The following IL12RB1 variants were observed in gnomAD, a reference collection of about 807,000 sequenced individuals.
IL12RB1 encodes interleukin 12 receptor subunit beta 1, also known as interleukin-12 receptor subunit beta-1.
Under a neutral mutation model 94.4 loss-of-function variants are expected in IL12RB1, and 64 were observed. The observed-to-expected ratio is 0.68, with a 90% CI of 0.55 to 0.83. IL12RB1 has a LOEUF of 0.83. Ranked by LOEUF, IL12RB1 falls within the 40% of genes least tolerant of loss-of-function variation. The pLI is 0.00. For synonymous variants in IL12RB1, 362 were observed against 355.5 expected (o/e 1.02, Z -0.21); for missense variants, 814 against 855.6 (o/e 0.95, Z 0.61).
At chr19:18,088,125 C>T (rs886624699), upstream of IL12RB1, among the ~76,000 whole-genome samples, 2 of 151,962 alleles carry the variant, frequency 1.3e-5, no homozygotes, top group Non-Finnish European at 1.5e-5. Context: ...CGGTGGCTCA[C>T]GCCTGTAATC....
chr19:18,064,008 G>A lies in IL12RB1; in HGVS notation c.1486C>T (p.His496Tyr). The part of the protein sequence containing the change: ...RDEDSKQVSE[H>Y]PVQPTETQVT... The stretch of plus-strand genomic sequence containing the variant: ...TGGGTCTCTGTGGGCTGCACGGGAT[G>A]CTCTGCAGTGGGAGAGGCAACCCTG... Residue 496 changes from histidine (H) to tyrosine (Y), a missense_variant and splice_region_variant, in exon 13 of 17, where the codon CAT becomes TAT. Physicochemically the swap from His to Tyr is moderately conservative, Grantham distance 83. Transcript: ENST00000593993. 3.7e-6 allele frequency: 6 copies of A among 1,611,292 alleles called. No homozygotes were observed. The highest frequency in any genetic ancestry group is 5.1e-6 in the Non-Finnish European group (6 of 1,177,892).
chr19:18,069,664 A>C lies in IL12RB1; in HGVS notation c.1071T>G (p.Tyr357Ter), dbSNP rs2034870898. ...TCATGCTCTGAGCCCGGGCTGGCCA[A>C]TACATGGTGGTCCCGTTGGTTCCGA... ...ISVGTNGTTM[Y>*]WPARAQSMTY... Residue 357 changes from tyrosine to a stop codon, truncating the protein, a stop_gained, in exon 10 of 17, where the codon TAT (tyrosine) becomes TAG (stop). Coordinates refer to ENST00000593993, the MANE Select transcript of IL12RB1 (RefSeq NM_005535.3). LOFTEE classifies it high-confidence loss of function. The C allele has an allele frequency of 6.2e-7, 1 of 1,612,982 alleles. No homozygotes were observed. Among genetic ancestry groups the C allele is most frequent in the Non-Finnish European group, 8.5e-7 (1 of 1,179,418 alleles).
Position 18,086,857 on chromosome 19 carries a change from G to A in IL12RB1, c.-34C>T. On this transcript the variant is annotated 5_prime_UTR_variant, in exon 1 of 17. Coordinates refer to ENST00000593993, the MANE Select transcript of IL12RB1 (RefSeq NM_005535.3). Reference sequence around the variant, plus strand: ...CGTAGAGCCCCACAGCCCCAGGGGAGCCTCTCTGCCACCTGCGAGGTTCAG... The same window carrying A: ...CGTAGAGCCCCACAGCCCCAGGGGAACCTCTCTGCCACCTGCGAGGTTCAG... 6.3e-7 allele frequency: 1 copy of A among 1,597,134 alleles called. No homozygotes were observed. The highest frequency in any genetic ancestry group is 8.5e-7 in the Non-Finnish European group (1 of 1,171,674).
intron 1 of IL12RB1, among the ~76,000 whole-genome samples, chr19:18,095,048 G>A (rs371799142): frequency 7.2e-5 from 11 of 151,862 alleles, no homozygotes; most frequent in East Asian, 2.0e-4. Context: ...GAGTGGTGGC[G>A]GGTGTCTGTA....
chr19:18,077,363 G>GA (rs915397826), intron 5 of IL12RB1, among the ~76,000 whole-genome samples, 153 bp downstream of exon 5: 35 of 142,372 alleles, frequency 2.5e-4, no homozygotes, highest in Admixed American at 2.8e-4. Context: ...CTCCGTCTCA[G>GA]AAAAAAAAAA....
chr19:18,085,355 G>C (rs966567220), intron 1 of IL12RB1, among the ~76,000 whole-genome samples: 1 of 6,894 alleles, frequency 1.5e-4, no homozygotes, highest in African/African-American at 7.5e-4. Context: ...ACCCACCCCT[G>C]AGAGCCTAAA....
At chr19:18,063,076 C>CTTTT (rs1345434373) in intron 13 of IL12RB1, among the ~76,000 whole-genome samples, 106 of 75,180 alleles carry the variant, frequency 1.4e-3, no homozygotes, top group East Asian at 2.3e-3. Flanking sequence ...TCTTCTTCTT[C>CTTTT]TATTTTTTTT....
At position 18,084,539 on chromosome 19, in the gene IL12RB1, A is replaced by G. The variant is rs1243673057; in HGVS notation, c.65-1048T>C. The stretch of plus-strand genomic sequence containing the variant: ...CCATGCATTCATTAATCCATTATCC[A>G]TTCACCCAACCATCCATCTATCCAT... On this transcript the variant is annotated intron_variant, in intron 1 of 16. Transcript: ENST00000593993. 2.6e-5 allele frequency among the ~76,000 whole-genome samples: 4 copies of G among 151,028 alleles called. No individual in the cohort carries two copies. In the East Asian group the frequency reaches 7.8e-4, roughly 30 times the overall value.
rs576800094 is a variant in IL12RB1 at position 18,097,674 on chromosome 19, C to G, written c.-230+1081G>C. 1.3e-5 allele frequency: 8 copies of G among 602,222 alleles called. No individual in the cohort carries two copies. The Admixed American group carries it at 2.9e-4, about 22-fold the overall frequency. 37.3% of individuals were successfully genotyped at this position (602,222 alleles called of 1,614,324 possible). ...GGGCGGGGCCCTGTGGTCGGGCTCC[C>G]CGGGAGGGGCGGGGCCAGGCCGTGT... On this transcript the variant is annotated intron_variant, in intron 1 of 4. Coordinates refer to the IL12RB1 transcript ENST00000594176.
At chr19:18,097,738 C>T in intron 1 of IL12RB1, 1 of 1,150,760 alleles carries the variant, frequency 8.7e-7, no homozygotes, top group Non-Finnish European at 1.1e-6. Context: ...GGCGGCGGGG[C>T]CTGGCAGGCC....
intron 1 of IL12RB1, 105 bp downstream of exon 1, chr19:18,086,655 C>T (rs971970134): frequency 9.1e-7 from 1 of 1,095,356 alleles, no homozygotes; most frequent in South Asian, 1.5e-5. Context: ...AAGACTGAGG[C>T]ACAGAGAGAT....
chr19:18,097,083 G>A (rs1005934756), intron 1 of IL12RB1, among the ~76,000 whole-genome samples: 6 of 151,994 alleles, frequency 3.9e-5, no homozygotes, highest in Non-Finnish European at 8.8e-5. Context: ...GCTGAGTTTT[G>A]TGGGGCCACC....
At chr19:18,077,374 AG>A (rs1599529925) in intron 5 of IL12RB1, 141 bp downstream of exon 5, 1 of 690,462 alleles carries the variant, frequency 1.4e-6, no homozygotes, top group East Asian at 2.7e-5. Flanking sequence ...AAAAAAAAAA[AG>A]AAAAAGAAAA....
At chr19:18,094,260 C>T (rs1327187472) in intron 1 of IL12RB1, among the ~76,000 whole-genome samples, 1 of 152,192 alleles carries the variant, frequency 6.6e-6, no homozygotes, top group Non-Finnish European at 1.5e-5. Flanking sequence ...CCCCGAGTAG[C>T]GGGGATTACA....
rs1224836167 is a variant in IL12RB1, at chr19:18,059,596, G to C, written c.*12C>G. 3.8e-6 allele frequency: 3 copies of C among 780,384 alleles called. No individual in the cohort carries two copies. In the African/African-American group the frequency reaches 5.1e-5, roughly 13 times the overall value. 48.3% of individuals were successfully genotyped at this position (780,384 alleles called of 1,614,324 possible). On this transcript the variant is annotated 3_prime_UTR_variant, in exon 17 of 17. Coordinates refer to ENST00000593993, the MANE Select transcript of IL12RB1 (RefSeq NM_005535.3). ...CTCGGGCGAGTCACTCACCCTCTCT[G>C]AGCCTCAACGATCACATCTGTAAAG...
At chr19:18,071,272 T>C (rs1366957509) in intron 9 of IL12RB1, 2 of 504,874 alleles carry the variant, frequency 4.0e-6, no homozygotes, top group Admixed American at 2.6e-5. Flanking sequence ...CTCGGGAGGC[T>C]GAAGCAGGAG....
At chr19:18,069,963 T>C (rs568186031) in intron 9 of IL12RB1, among the ~76,000 whole-genome samples, 86 of 152,236 alleles carry the variant, frequency 5.6e-4, no homozygotes, top group Middle Eastern at 3.4e-3. Flanking sequence ...TCGCCCAGGC[T>C]GGAGTGCAGT....
chr19:18,087,769 G>A (rs748012326), upstream of IL12RB1, among the ~76,000 whole-genome samples: 12 of 151,490 alleles, frequency 7.9e-5, no homozygotes, highest in African/African-American at 2.4e-4. Flanking sequence ...TGATCCGTCC[G>A]CCTTGGCCTA....
chr19:18,095,846 A>G (rs1331371199), intron 1 of IL12RB1, among the ~76,000 whole-genome samples: 1 of 152,156 alleles, frequency 6.6e-6, no homozygotes, highest in Non-Finnish European at 1.5e-5. Context: ...GCCTGAAAGC[A>G]TACTCCAGTG....
Sources: allele counts gnomAD v4.1 joint callset (sites outside exome capture counted in the v4.1 genomes callset), GRCh38; gene constraint gnomAD v4.1.1; transcripts MANE v1.5; gene names NCBI Gene and HGNC (gene_info 2026-07-23, HGNC 2026-07-21).